MAPK14: variants seen among roughly 807,000 people sequenced by gnomAD.
The protein encoded by MAPK14 is mitogen-activated protein kinase 14.
Under a neutral mutation model 49.6 loss-of-function variants are expected in MAPK14, and 16 were observed. That is an observed-to-expected ratio of 0.32 (90% CI 0.22 to 0.49). MAPK14 has a LOEUF of 0.49. Among genes scored for constraint, MAPK14 ranks in the 20% least tolerant of loss-of-function variants. MAPK14 has a pLI of 0.99. For missense variants in MAPK14, 200 were observed against 441.2 expected (o/e 0.45, Z 4.90); for synonymous variants, 142 against 158.0 (o/e 0.90, Z 0.76).
chr6:36,111,365 T>C (rs1765969109), downstream of MAPK14: 1 of 152,182 alleles, frequency 6.6e-6, no homozygotes, highest in Non-Finnish European at 1.5e-5. Context: ...TTTAGAGAAG[T>C]CTGCTGACCC....
chr6:36,066,228 C>T (rs1764051473), intron 3 of MAPK14, among the ~76,000 whole-genome samples: 1 of 152,108 alleles, frequency 6.6e-6, no homozygotes, highest in Admixed American at 6.6e-5. Context: ...TACAAAATTG[C>T]ATCTCTCCCT....
At chr6:36,117,586 A>G in the MAPK14 span, among the ~76,000 whole-genome samples, 1 of 152,170 alleles carries the variant, frequency 6.6e-6, no homozygotes, top group South Asian at 2.1e-4. Flanking sequence ...TGCTGTTTGT[A>G]CCACCTGCTC....
At chr6:36,060,999 C>A (rs1386143145) in intron 3 of MAPK14, among the ~76,000 whole-genome samples, 1 of 152,124 alleles carries the variant, frequency 6.6e-6, no homozygotes, top group African/African-American at 2.4e-5. Context: ...TGGAGGCTTC[C>A]AGAGATTACT....
chr6:36,119,318 C>T, the MAPK14 span, among the ~76,000 whole-genome samples: 261 of 152,278 alleles, frequency 1.7e-3, no homozygotes, highest in African/African-American at 6.0e-3. Context: ...TGAATTTGCC[C>T]GTGCAAAAAC....
chr6:36,079,299 T>TA (rs940155177), intron 8 of MAPK14, among the ~76,000 whole-genome samples: 2 of 152,120 alleles, frequency 1.3e-5, no homozygotes, highest in African/African-American at 4.8e-5. Flanking sequence ...AACTCCTCTT[T>TA]AAAAAACCTT....
At chr6:36,062,672 T>C (rs1435678736) in intron 3 of MAPK14, among the ~76,000 whole-genome samples, 6 of 150,740 alleles carry the variant, frequency 4.0e-5, no homozygotes, top group Non-Finnish European at 8.9e-5. Flanking sequence ...CTTTTTTTTT[T>C]TTTGAGGTGG....
intron 2 of MAPK14, among the ~76,000 whole-genome samples, chr6:36,053,525 A>G (rs950352829): frequency 6.6e-6 from 1 of 152,148 alleles, no homozygotes; most frequent in Non-Finnish European, 1.5e-5. Context: ...TGAAAGTAAA[A>G]AGACAGTTGA....
chr6:36,030,441 A>T (rs1238190783), intron 1 of MAPK14, among the ~76,000 whole-genome samples: 2 of 152,156 alleles, frequency 1.3e-5, no homozygotes, highest in Non-Finnish European at 2.9e-5. Context: ...TAATCCCAGC[A>T]CTTTGGGAGG....
intron 10 of MAPK14, among the ~76,000 whole-genome samples, chr6:36,104,411 A>G (rs1005501335): frequency 2.0e-5 from 3 of 151,648 alleles, no homozygotes; most frequent in African/African-American, 7.3e-5. Context: ...TTTTTGAGAC[A>G]GAGTCTCGCT....
intron 8 of MAPK14, among the ~76,000 whole-genome samples, chr6:36,091,514 TGTG>T (rs35214995): frequency 0.14 from 20,923 of 152,124 alleles, 1,729 homozygotes; most frequent in African/African-American, 0.24. Context: ...ATTGTCATGA[TGTG>T]GTGAGTTTTG....
intron 8 of MAPK14, among the ~76,000 whole-genome samples, chr6:36,082,808 A>T (rs182161973): frequency 9.2e-5 from 14 of 152,248 alleles, no homozygotes; most frequent in African/African-American, 3.4e-4. Context: ...CCTTCTGTTC[A>T]CAGTTTTCTG....
chr6:36,037,897 A>T (rs973384746), intron 1 of MAPK14, among the ~76,000 whole-genome samples: 9 of 151,960 alleles, frequency 5.9e-5, no homozygotes, highest in East Asian at 1.9e-4. Flanking sequence ...GCTGAGGTGG[A>T]GGGATTGCTT....
intron 8 of MAPK14, chr6:36,076,840 T>C (rs1764550199): frequency 2.5e-6 from 1 of 394,404 alleles, no homozygotes; most frequent in Non-Finnish European, 4.6e-6. Context: ...ACCCATCAAG[T>C]CTGTCTTCTT....
At chr6:36,030,803 A>C (rs1297582980) in intron 1 of MAPK14, among the ~76,000 whole-genome samples, 1 of 151,466 alleles carries the variant, frequency 6.6e-6, no homozygotes, top group Non-Finnish European at 1.5e-5. Context: ...CCAGAGAGGC[A>C]GTTTTTTTTA....
intron 9 of MAPK14, chr6:36,098,196 G>A (rs990690367): frequency 5.9e-5 from 9 of 152,162 alleles, no homozygotes; most frequent in African/African-American, 2.2e-4. Flanking sequence ...AGTAGTGATG[G>A]CAATAATTAT....
At chr6:36,059,226 C>T (rs1408039171) in intron 2 of MAPK14, 63 bp from the exon 3 acceptor site, 2 of 1,019,384 alleles carry the variant, frequency 2.0e-6, no homozygotes, top group Admixed American at 1.9e-5. Flanking sequence ...AAGATTAAGA[C>T]CTGATGGGTA....
rs999376175 is a variant in MAPK14 at position 36,083,230 on chromosome 6, G to C, written c.682+6622G>C. 3.3e-5 allele frequency among the ~76,000 whole-genome samples: 5 copies of C among 152,214 alleles called. No homozygotes were observed. In the East Asian group the frequency reaches 9.6e-4, roughly 29 times the overall value. ...AGCAGGGTGGAGCGACAGCCCACCT[G>C]GGAGCTGCAAAGGGCAAGGGGAGCT... On this transcript the variant is annotated intron_variant, in intron 8 of 11. Coordinates refer to ENST00000229794, the MANE Select transcript of MAPK14 (RefSeq NM_139012.3).
Position 36,051,345 on chromosome 6 carries a change from G to A in MAPK14, c.117-1354G>A, listed in dbSNP as rs571766350. On this transcript the variant is annotated intron_variant, in intron 1 of 11. Coordinates refer to ENST00000229794, the MANE Select transcript of MAPK14 (RefSeq NM_139012.3). ...AGACTGGTCTCGAGCTCCTGACCTC[G>A]TGATCCTCCCGCCTCGGCCTCCCAA... Among the ~76,000 whole-genome samples, 60 of 152,174 alleles carry A rather than the reference G, an allele frequency of 3.9e-4. 1 individual carries two copies. The highest frequency in any genetic ancestry group is 2.2e-3 in the Admixed American group (34 of 15,276).
At chr6:36,098,473 G>A (rs1181954253) in intron 9 of MAPK14, among the ~76,000 whole-genome samples, 1 of 152,186 alleles carries the variant, frequency 6.6e-6, no homozygotes, top group Non-Finnish European at 1.5e-5. Context: ...AGGAGTTTGA[G>A]GCTGCAGGGA....
Sources: allele counts gnomAD v4.1 joint callset (sites outside exome capture counted in the v4.1 genomes callset), GRCh38; gene constraint gnomAD v4.1.1; transcripts MANE v1.5; gene names NCBI Gene and HGNC (gene_info 2026-07-23, HGNC 2026-07-21).